DMD: variants seen among roughly 807,000 people sequenced by gnomAD.
The protein encoded by DMD is dystrophin, also known as mutant dystrophin.
A neutral mutation model predicts 330.1 loss-of-function variants in DMD; 63 were observed. The observed-to-expected ratio is 0.19, with a 90% confidence interval of 0.16 to 0.24. The LOEUF is 0.24. Among genes scored for constraint, DMD ranks in the 10% least tolerant of loss-of-function variants. The pLI is 1.00. For synonymous variants in DMD, 1,223 were observed against 959.8 expected (o/e 1.27, Z -5.07); for missense variants, 3,344 against 2,684.1 (o/e 1.25, Z -5.43).
chrX:31,913,807 T>C (rs1314394754), intron 47 of DMD, among the ~76,000 whole-genome samples: 1 of 111,955 alleles, frequency 8.9e-6, no homozygotes, highest in Non-Finnish European at 1.9e-5. Flanking sequence ...GAAAGGCTGC[T>C]CTTATCACTG....
intron 47 of DMD, among the ~76,000 whole-genome samples, chrX:31,918,929 G>A (rs1397463043): frequency 1.8e-5 from 2 of 111,911 alleles, no homozygotes; most frequent in Admixed American, 9.5e-5. Flanking sequence ...GAGCCACCGT[G>A]CCCAGCCTCA....
At chrX:31,148,814 A>C (rs1009835296) in intron 74 of DMD, among the ~76,000 whole-genome samples, 1 of 111,860 alleles carries the variant, frequency 8.9e-6, no homozygotes, top group African/African-American at 3.2e-5. Flanking sequence ...GACTTCTTCC[A>C]TGTTAACTGG....
Position 32,028,824 on chromosome X carries a change from T to C in DMD, c.6439-60310A>G, listed in dbSNP as rs962350591. 3.6e-5 allele frequency among the ~76,000 whole-genome samples: 4 copies of C among 111,520 alleles called. No individual in the cohort carries two copies. The Admixed American group carries it at 3.8e-4, about 11-fold the overall frequency. On this transcript the variant is annotated intron_variant, in intron 44 of 78. Coordinates refer to ENST00000357033, the MANE Select transcript of DMD (RefSeq NM_004006.3). ...AGTCTCTGCATATACCATTTTTTTT[T>C]TGTGCAGTGTTATAATGCTATATTA...
intron 1 of DMD, among the ~76,000 whole-genome samples, chrX:33,254,802 AT>A (rs984208335): frequency 1.0e-4 from 11 of 109,399 alleles, no homozygotes; most frequent in Admixed American, 6.9e-4. Context: ...CATGAGTTAA[AT>A]TTTTTTTTCT....
At chrX:31,135,135 C>T (rs1469595258) in intron 76 of DMD, among the ~76,000 whole-genome samples, 1 of 93,842 alleles carries the variant, frequency 1.1e-5, no homozygotes, top group Middle Eastern at 5.0e-3. Flanking sequence ...GTGCCCCATT[C>T]ACAAATGTGA....
At chrX:33,035,067 C>T (rs1326201829) in intron 1 of DMD, among the ~76,000 whole-genome samples, 1 of 111,753 alleles carries the variant, frequency 8.9e-6, no homozygotes, top group Non-Finnish European at 1.9e-5. Context: ...TCTAAAAGGG[C>T]TCCATGGTTT....
intron 55 of DMD, among the ~76,000 whole-genome samples, chrX:31,507,702 G>A (rs1259554587): frequency 1.8e-5 from 2 of 111,641 alleles, no homozygotes; most frequent in African/African-American, 6.5e-5. Context: ...ATTATGAGTT[G>A]GAAAGTAATG....
intron 59 of DMD, among the ~76,000 whole-genome samples, chrX:31,467,984 T>C (rs184875926): frequency 1.5e-4 from 17 of 112,087 alleles, no homozygotes; most frequent in Admixed American, 3.8e-4. Flanking sequence ...TGATGGTAGT[T>C]TGTATTTCTG....
At chrX:32,802,643 T>C (rs1216509991) in intron 7 of DMD, among the ~76,000 whole-genome samples, 1 of 111,764 alleles carries the variant, frequency 8.9e-6, no homozygotes, top group African/African-American at 3.3e-5. Flanking sequence ...TTGAGACACA[T>C]TCCATCAATA....
At chrX:32,259,926 G>T (rs960642853) in intron 43 of DMD, among the ~76,000 whole-genome samples, 2 of 111,488 alleles carry the variant, frequency 1.8e-5, no homozygotes, top group Non-Finnish European at 3.8e-5. Context: ...TTATGGGTTG[G>T]TCAAGAGAGC....
At chrX:32,852,622 G>A (rs940816188) in intron 2 of DMD, among the ~76,000 whole-genome samples, 2 of 110,942 alleles carry the variant, frequency 1.8e-5, no homozygotes, top group Admixed American at 1.9e-4. Flanking sequence ...GCTCCTGGAT[G>A]GCATTTCTGG....
At chrX:32,252,827 T>TATATAAATATATAA (rs2097278240) in intron 43 of DMD, among the ~76,000 whole-genome samples, 1 of 54,632 alleles carries the variant, frequency 1.8e-5, no homozygotes, top group African/African-American at 7.5e-5. Context: ...TATATAAATA[T>TATATAAATATATAA]ATATAAATAT....
chrX:31,957,815 C>T (rs1338045099), intron 45 of DMD, among the ~76,000 whole-genome samples: 2 of 111,391 alleles, frequency 1.8e-5, no homozygotes, highest in African/African-American at 6.5e-5. Context: ...ATATCTAAGA[C>T]ATCCATTAAC....
intron 57 of DMD, among the ~76,000 whole-genome samples, chrX:31,491,115 G>C (rs751707819): frequency 5.3e-5 from 6 of 112,298 alleles, no homozygotes; most frequent in Admixed American, 1.9e-4. Flanking sequence ...AGGGATTATA[G>C]AGATTTTTTT....
intron 55 of DMD, among the ~76,000 whole-genome samples, chrX:31,612,208 A>G (rs888479422): frequency 2.7e-5 from 3 of 111,427 alleles, no homozygotes; most frequent in African/African-American, 9.8e-5. Context: ...TAGGTAGCTC[A>G]TACCAGTGGA....
chrX:31,294,025 G>A (rs2053976957), intron 62 of DMD, among the ~76,000 whole-genome samples: 1 of 111,795 alleles, frequency 8.9e-6, no homozygotes, highest in African/African-American at 3.3e-5. Flanking sequence ...ACAAAAAAAA[G>A]GAAAGCACAT....
chrX:32,585,444 G>C (rs1377435664), intron 13 of DMD, among the ~76,000 whole-genome samples: 2 of 110,964 alleles, frequency 1.8e-5, no homozygotes, highest in African/African-American at 6.5e-5. Context: ...GCTCACGCCT[G>C]TAATCCCAGC....
chrX:32,467,989 TTTTA>T (rs934818402), intron 23 of DMD, among the ~76,000 whole-genome samples: 2 of 110,351 alleles, frequency 1.8e-5, no homozygotes, highest in African/African-American at 6.6e-5. Context: ...TATCACCATA[TTTTA>T]TATATAATAG....
intron 7 of DMD, among the ~76,000 whole-genome samples, chrX:32,742,771 G>A (rs1384799263): frequency 1.8e-5 from 2 of 112,184 alleles, no homozygotes; most frequent in Non-Finnish European, 3.8e-5. Flanking sequence ...TCCCATATGT[G>A]TGATATTTGA....
Sources: gnomAD v4.1 joint callset for allele counts (sites outside exome capture counted in the v4.1 genomes callset) on GRCh38, gnomAD v4.1.1 for gene constraint, MANE v1.5 for transcripts, NCBI Gene and HGNC (gene_info 2026-07-23, HGNC 2026-07-21) for gene names.